ANKIB1: variants seen among roughly 807,000 people sequenced by gnomAD.
ANKIB1 encodes the protein ankyrin repeat and IBR domain containing 1, also known as ankyrin repeat and IBR domain-containing protein 1.
ANKIB1 carries 43 observed loss-of-function variants against 122.1 expected under a neutral mutation model. The observed-to-expected ratio is 0.35, with a 90% confidence interval of 0.28 to 0.45. The LOEUF (loss-of-function observed/expected upper bound fraction) is 0.45, where lower values mean the gene tolerates loss of function less well. ANKIB1 is among the 20% of genes least tolerant of loss of function. The pLI is 1.00. For synonymous variants in ANKIB1, 390 were observed against 442.0 expected, an observed-to-expected ratio of 0.88 and a Z score of 1.48; for missense variants, 992 against 1,329.5, an observed-to-expected ratio of 0.75 and a Z score of 3.95.
chr7:92,346,980 A>G (rs1206012184), intron 7 of ANKIB1, among the ~76,000 whole-genome samples: 1 of 152,228 alleles, frequency 6.6e-6, no homozygotes, highest in Non-Finnish European at 1.5e-5. Flanking sequence ...TCAAGCACCA[A>G]TAAAAGAAGT....
At chr7:92,284,254 G>T (rs1280036490) in intron 1 of ANKIB1, among the ~76,000 whole-genome samples, 1 of 152,142 alleles carries the variant, frequency 6.6e-6, no homozygotes, top group Non-Finnish European at 1.5e-5. Flanking sequence ...TGAAGATAAT[G>T]AGGCATGTAC....
chr7:92,274,321 T>C (rs1801855644), intron 1 of ANKIB1, among the ~76,000 whole-genome samples: 1 of 152,124 alleles, frequency 6.6e-6, no homozygotes, highest in Admixed American at 6.6e-5. Flanking sequence ...AGTAAGAAAT[T>C]TACACAAAAT....
chr7:92,247,160 T>C (rs1445982269), intron 1 of ANKIB1, among the ~76,000 whole-genome samples: 1 of 152,224 alleles, frequency 6.6e-6, no homozygotes, highest in Non-Finnish European at 1.5e-5. Context: ...TCACACGGAA[T>C]GGCATATCGA....
intron 1 of ANKIB1, among the ~76,000 whole-genome samples, chr7:92,255,417 A>AGGAATG (rs1437076659): frequency 6.6e-6 from 1 of 152,234 alleles, no homozygotes; most frequent in Non-Finnish European, 1.5e-5. Flanking sequence ...TAGTGGTTCC[A>AGGAATG]CAGTGCTATC....
chr7:92,293,431 C>T (rs1469660496), intron 1 of ANKIB1, among the ~76,000 whole-genome samples: 1 of 152,112 alleles, frequency 6.6e-6, no homozygotes, highest in Non-Finnish European at 1.5e-5. Context: ...TTCAAGTGAT[C>T]CTCCTGCCTC....
intron 7 of ANKIB1, among the ~76,000 whole-genome samples, chr7:92,346,861 A>G (rs1430747261): frequency 6.6e-6 from 1 of 152,224 alleles, no homozygotes; most frequent in Non-Finnish European, 1.5e-5. Context: ...CAAACTAGCC[A>G]TAAGAAATGT....
At chr7:92,377,915 C>G (rs1804420853) in intron 11 of ANKIB1, among the ~76,000 whole-genome samples, 1 of 150,888 alleles carries the variant, frequency 6.6e-6, no homozygotes, top group Non-Finnish European at 1.5e-5. Flanking sequence ...GCCGGTAATT[C>G]TAATTTTATT....
Position 92,390,151 on chromosome 7 carries a change from GTTA to G in ANKIB1, c.2052+40_2052+42del, listed in dbSNP as rs775051686. On this transcript the variant is annotated intron_variant, in intron 15 of 19. Transcript: ENST00000265742. ...TTTTAATTACATTTAAATGGCAGCA[GTTA>G]TTATGAAATACAGAATTTTTCATTT... 9.6e-6 allele frequency: 14 copies of G among 1,462,570 alleles called. No homozygotes were observed. In the Admixed American group the frequency reaches 1.2e-4, roughly 13 times the overall value. The allele number at this position is 1,462,570 out of a possible 1,614,324, so 90.6% of individuals were successfully genotyped here.
At position 92,339,307 on chromosome 7, in the gene ANKIB1, G is replaced by A. The variant is rs551094295; in HGVS notation, c.788-3717G>A. ...TCCGCCCGCCTTGGCCTCCCAAAGTGCTGGGATTACAGGCGTGAGCCACCG... is the reference window on the plus strand; with the variant it reads ...TCCGCCCGCCTTGGCCTCCCAAAGTACTGGGATTACAGGCGTGAGCCACCG... On this transcript the variant is annotated intron_variant, in intron 5 of 19. Transcript: ENST00000265742. Among the ~76,000 whole-genome samples the A allele has an allele frequency of 3.6e-4, 54 of 152,050 alleles. 1 individual carries two copies. The South Asian group carries it at 3.9e-3, about 11-fold the overall frequency.
chr7:92,319,317 A>T lies in ANKIB1; in HGVS notation c.487-13A>T. 6.5e-7 allele frequency: 1 copy of T among 1,548,024 alleles called. No homozygotes were observed. The highest frequency in any genetic ancestry group is 8.7e-7 in the Non-Finnish European group (1 of 1,150,512). On this transcript the variant is annotated splice_polypyrimidine_tract_variant and intron_variant, in intron 3 of 19. Coordinates refer to ENST00000265742, the MANE Select transcript of ANKIB1 (RefSeq NM_019004.2). ...ACCTGTAGTTGCAAGTTTTTGAAAA[A>T]AAACTTTTTTAGCTTTTAGTAAAAC...
intron 9 of ANKIB1, among the ~76,000 whole-genome samples, 171 bp downstream of exon 9, chr7:92,352,813 T>TACG: frequency 6.6e-6 from 1 of 152,224 alleles, no homozygotes; most frequent in African/African-American, 2.4e-5. Flanking sequence ...GTGCTTAGTG[T>TACG]GTGCCAGGCA....
At chr7:92,364,100 G>A (rs928048152) in intron 10 of ANKIB1, among the ~76,000 whole-genome samples, 3 of 151,830 alleles carry the variant, frequency 2.0e-5, no homozygotes, top group East Asian at 1.9e-4. Flanking sequence ...TTGAGGTCTG[G>A]AGTTCAAGAC....
intron 2 of ANKIB1, among the ~76,000 whole-genome samples, chr7:92,304,989 C>T (rs1802529775): frequency 6.6e-6 from 1 of 152,116 alleles, no homozygotes; most frequent in Admixed American, 6.5e-5. Context: ...TATATTTCCA[C>T]TTAGTTATAA....
At chr7:92,337,337 A>G (rs1367213171) in intron 5 of ANKIB1, among the ~76,000 whole-genome samples, 1 of 152,226 alleles carries the variant, frequency 6.6e-6, no homozygotes, top group Non-Finnish European at 1.5e-5. Context: ...TTTGAAAGAG[A>G]TTCTGTTTAT....
intron 1 of ANKIB1, among the ~76,000 whole-genome samples, chr7:92,277,124 C>A (rs1449715519): frequency 1.3e-5 from 2 of 152,146 alleles, no homozygotes; most frequent in African/African-American, 4.8e-5. Context: ...TTTCCTGAGG[C>A]CTCTCCAGAA....
chr7:92,322,667 C>T (rs953995012), intron 4 of ANKIB1, among the ~76,000 whole-genome samples: 1 of 152,024 alleles, frequency 6.6e-6, no homozygotes, highest in Admixed American at 6.5e-5. Context: ...TTCAACTTAA[C>T]AATATATCAT....
chr7:92,322,549 G>A (rs530134677), intron 4 of ANKIB1, among the ~76,000 whole-genome samples: 2 of 152,020 alleles, frequency 1.3e-5, no homozygotes, highest in African/African-American at 4.8e-5. Flanking sequence ...CTGTATCCCC[G>A]AGTGGTAACA....
chr7:92,290,417 T>C (rs1802222772), intron 1 of ANKIB1, among the ~76,000 whole-genome samples: 1 of 150,540 alleles, frequency 6.6e-6, no homozygotes, highest in African/African-American at 2.5e-5. Context: ...TGGGACCTGC[T>C]GCCTGAATGA....
chr7:92,339,991 G>A (rs1407588965), intron 5 of ANKIB1, among the ~76,000 whole-genome samples: 1 of 149,696 alleles, frequency 6.7e-6, no homozygotes, highest in Non-Finnish European at 1.5e-5. Context: ...TAGTTTTTTT[G>A]GTAAGTGTTT....
Sources: gnomAD v4.1 joint callset for allele counts (sites outside exome capture counted in the v4.1 genomes callset) on GRCh38, gnomAD v4.1.1 for gene constraint, MANE v1.5 for transcripts, NCBI Gene and HGNC (gene_info 2026-07-23, HGNC 2026-07-21) for gene names.